Variants in CACNA1E observed in about 807,000 individuals in gnomAD.
The protein encoded by CACNA1E is voltage-dependent R-type calcium channel subunit alpha-1E.
Under a neutral mutation model 259.2 loss-of-function variants are expected in CACNA1E, and 40 were observed. That is an observed-to-expected ratio of 0.15 (90% CI 0.12 to 0.20). The LOEUF is 0.20. Ranked by LOEUF, CACNA1E falls within the 10% of genes least tolerant of loss-of-function variation. The pLI is 1.00. For synonymous variants in CACNA1E, 1,104 were observed against 1,138.5 expected, an observed-to-expected ratio of 0.97 and a Z score of 0.61; for missense variants, 1,874 against 3,040.1, an observed-to-expected ratio of 0.62 and a Z score of 9.02.
rs368761067 is a variant in CACNA1E at position 181,326,634 on chromosome 1, G to A, written c.-15+8511G>A. Among the ~76,000 whole-genome samples, 8 of 152,180 alleles carry A rather than the reference G, an allele frequency of 5.3e-5. No homozygotes were observed. In the East Asian group the frequency reaches 7.7e-4, roughly 15 times the overall value. The stretch of plus-strand genomic sequence containing the variant: ...CATCCCTCCCTTTGCCTTGGCCACC[G>A]CTCGTATGCTGGTGACTTCCAAATT... On this transcript the variant is annotated intron_variant, in intron 1 of 11. Coordinates refer to the CACNA1E transcript ENST00000524607.
intron 7 of CACNA1E, chr1:181,651,673 G>C: frequency 2.3e-6 from 1 of 434,600 alleles, no homozygotes; most frequent in South Asian, 3.1e-5. Context: ...GCACAACACT[G>C]AACACAGTAT....
chr1:181,761,313 C>A (rs1013214951), intron 32 of CACNA1E, among the ~76,000 whole-genome samples: 1 of 152,178 alleles, frequency 6.6e-6, no homozygotes, highest in African/African-American at 2.4e-5. Flanking sequence ...GTATTTTCCC[C>A]CAACTCCTCT....
intron 7 of CACNA1E, among the ~76,000 whole-genome samples, chr1:181,681,631 A>G (rs1275364957): frequency 6.6e-6 from 1 of 152,160 alleles, no homozygotes; most frequent in Non-Finnish European, 1.5e-5. Context: ...ACTATTTCCT[A>G]CAACCCACAG....
intron 3 of CACNA1E, among the ~76,000 whole-genome samples, chr1:181,561,805 T>G (rs1649355805): frequency 6.6e-6 from 1 of 152,218 alleles, no homozygotes; most frequent in Non-Finnish European, 1.5e-5. Context: ...GCTGCCAAAC[T>G]GTTTTCCAAA....
chr1:181,559,335 G>C (rs1649071620), intron 3 of CACNA1E, among the ~76,000 whole-genome samples: 1 of 152,230 alleles, frequency 6.6e-6, no homozygotes, highest in African/African-American at 2.4e-5. Flanking sequence ...ATGCCCAGCA[G>C]AGTACCAGGT....
intron 7 of CACNA1E, among the ~76,000 whole-genome samples, chr1:181,699,643 A>G (rs976430180): frequency 6.6e-6 from 1 of 152,182 alleles, no homozygotes; most frequent in South Asian, 2.1e-4. Flanking sequence ...GGAAATGTGA[A>G]GTCAGTAAGG....
chr1:181,719,106 T>C (rs987950358), intron 12 of CACNA1E, among the ~76,000 whole-genome samples: 2 of 152,250 alleles, frequency 1.3e-5, no homozygotes, highest in Non-Finnish European at 2.9e-5. Context: ...TAACCTCAGT[T>C]TCTTTGTGTC....
chr1:181,658,859 G>A (rs1183483615), intron 7 of CACNA1E, among the ~76,000 whole-genome samples: 1 of 152,122 alleles, frequency 6.6e-6, no homozygotes, highest in Admixed American at 6.6e-5. Context: ...TCATTCTGAA[G>A]CTCAGCACAG....
At chr1:181,438,238 C>T (rs1365669848) in intron 2 of CACNA1E, among the ~76,000 whole-genome samples, 1 of 152,216 alleles carries the variant, frequency 6.6e-6, no homozygotes, top group Non-Finnish European at 1.5e-5. Flanking sequence ...ACTGCTTTCA[C>T]TTCCGGCCCC....
intron 3 of CACNA1E, among the ~76,000 whole-genome samples, chr1:181,521,321 T>G (rs946209427): frequency 6.6e-6 from 1 of 152,220 alleles, no homozygotes; most frequent in African/African-American, 2.4e-5. Context: ...TAGTCCAGGT[T>G]GGCATGACTA....
At chr1:181,427,140 AC>A (rs1659341348) in intron 2 of CACNA1E, among the ~76,000 whole-genome samples, 1 of 150,668 alleles carries the variant, frequency 6.6e-6, no homozygotes, top group East Asian at 2.0e-4. Flanking sequence ...CCCCAACTTG[AC>A]CCTTCAACAT....
At position 181,763,551 on chromosome 1, in the gene CACNA1E, C is replaced by A; in HGVS notation, c.4815+20C>A. On this transcript the variant is annotated intron_variant, in intron 34 of 47. Transcript: ENST00000367573. The stretch of plus-strand genomic sequence containing the variant: ...TTTAAGGTAAGAGGTACCAGCAAAT[C>A]CTCTCTGAGGGTTGTCATATCAGAC... 3 of 1,542,484 alleles carry A rather than the reference C, an allele frequency of 1.9e-6. No individual in the cohort carries two copies. The highest frequency in any genetic ancestry group is 2.7e-6 in the Non-Finnish European group (3 of 1,131,088).
chr1:181,651,449 A>C lies in CACNA1E; in HGVS notation c.1055+8A>C, dbSNP rs761924788. 7 of 1,594,092 alleles carry C rather than the reference A, an allele frequency of 4.4e-6. No individual in the cohort carries two copies. Among genetic ancestry groups the C allele is most frequent in the Non-Finnish European group, 6.0e-6 (7 of 1,161,954 alleles). On this transcript the variant is annotated splice_region_variant and intron_variant, in intron 7 of 47. Transcript: ENST00000367573. ...CCTGGGAGTGCTTTCCGGGTGAGCC[A>C]GATGTTTCTCTCTTCTTAACTCATT...
intron 7 of CACNA1E, among the ~76,000 whole-genome samples, chr1:181,706,456 C>T (rs10489641): frequency 0.12 from 18,773 of 152,146 alleles, 1,271 homozygotes; most frequent in Admixed American, 0.18. Flanking sequence ...ATCTTATTTG[C>T]TCCTGTTCTC....
intron 6 of CACNA1E, among the ~76,000 whole-genome samples, chr1:181,614,901 A>G (rs1442125650): frequency 6.6e-6 from 1 of 152,136 alleles, no homozygotes; most frequent in Non-Finnish European, 1.5e-5. Flanking sequence ...TTTTTCCAAT[A>G]TATTTATTGA....
At chr1:181,424,225 G>A (rs1441809496) in intron 2 of CACNA1E, among the ~76,000 whole-genome samples, 2 of 152,252 alleles carry the variant, frequency 1.3e-5, no homozygotes, top group Non-Finnish European at 2.9e-5. Flanking sequence ...GGAATTCTGA[G>A]CAGAGCAGGA....
intron 6 of CACNA1E, among the ~76,000 whole-genome samples, chr1:181,623,654 C>T (rs1173634930): frequency 1.3e-5 from 2 of 152,170 alleles, no homozygotes; most frequent in East Asian, 3.8e-4. Flanking sequence ...ATTTTTGTTT[C>T]CCAGTGCATA....
At position 181,349,831 on chromosome 1, in the gene CACNA1E, C is replaced by T. The variant is rs146993151; in HGVS notation, c.-15+31708C>T. Among the ~76,000 whole-genome samples, 472 of 152,158 alleles carry T rather than the reference C, an allele frequency of 3.1e-3. 2 individuals carry two copies. The highest frequency in any genetic ancestry group is 5.2e-3 in the Non-Finnish European group (352 of 67,966). The stretch of plus-strand genomic sequence containing the variant: ...AGCCTCCAAGAAATGTGAAAAGGAG[C>T]AAAGTTGGGAAATTTGAATTCTGGC... On this transcript the variant is annotated intron_variant, in intron 1 of 11. Coordinates refer to the CACNA1E transcript ENST00000524607.
At chr1:181,720,070 G>GGTTT in intron 13 of CACNA1E, 136 bp from the exon 14 acceptor site, 1 of 1,054,158 alleles carries the variant, frequency 9.5e-7, no homozygotes, top group East Asian at 2.4e-5. Flanking sequence ...GGGAGCAATA[G>GGTTT]GTTTCTGCCC....
Sources: gnomAD v4.1 joint callset for allele counts (sites outside exome capture counted in the v4.1 genomes callset) on GRCh38, gnomAD v4.1.1 for gene constraint, MANE v1.5 for transcripts, NCBI Gene and HGNC (gene_info 2026-07-23, HGNC 2026-07-21) for gene names.